Variants in GUCY2F observed in about 807,000 individuals in gnomAD.
GUCY2F encodes retinal guanylyl cyclase 2.
In GUCY2F, 61 loss-of-function variants were observed where a neutral mutation model predicts 73.1. That is an observed-to-expected ratio of 0.83 (90% CI 0.68 to 1.03). The LOEUF is 1.03. Among genes scored for constraint, GUCY2F ranks in the 50% least tolerant of loss-of-function variants. The pLI is 0.00. For synonymous variants in GUCY2F, 331 were observed against 307.8 expected, an observed-to-expected ratio of 1.08 and a Z score of -0.79; for missense variants, 912 against 854.3, an observed-to-expected ratio of 1.07 and a Z score of -0.84.
intron 3 of GUCY2F, among the ~76,000 whole-genome samples, chrX:109,464,506 T>A (rs1932425416): frequency 8.9e-6 from 1 of 112,433 alleles, no homozygotes; most frequent in Non-Finnish European, 1.9e-5. Flanking sequence ...GAGAAGTAAG[T>A]ATGTGTAGCT....
rs139365678 is a variant in GUCY2F at position 109,400,533 on chromosome X, C to A, written c.2126-1835G>T. ...GATTATTTTGGTTTGTTAGCAAAAC[C>A]CAGGAAAGAGAAATCCACCATGGAA... On this transcript the variant is annotated intron_variant, in intron 10 of 19. Coordinates refer to ENST00000218006, the MANE Select transcript of GUCY2F (RefSeq NM_001522.3). Among the ~76,000 whole-genome samples the A allele has an allele frequency of 7.8e-3, 868 of 111,377 alleles. 9 individuals carry two copies. Among genetic ancestry groups the A allele is most frequent in the African/African-American group, 0.027 (818 of 30,591 alleles).
At chrX:109,468,505 A>T (rs1400501160) in intron 2 of GUCY2F, among the ~76,000 whole-genome samples, 1 of 111,365 alleles carries the variant, frequency 9.0e-6, no homozygotes, top group Non-Finnish European at 1.9e-5. Flanking sequence ...GAACAATTGG[A>T]AGTGATATTT....
At position 109,475,684 on chromosome X, in the gene GUCY2F, G is replaced by A. The variant is rs754002480; in HGVS notation, c.253C>T (p.Arg85Trp). ...AARLAIERIN[R>W]DPSFDLSYSF... Reference sequence around the variant, plus strand: ...TAACTCAGGTCAAAAGATGGGTCCCGGTTGATTCGCTCAATGGCTAATCGC... The same window carrying A: ...TAACTCAGGTCAAAAGATGGGTCCCAGTTGATTCGCTCAATGGCTAATCGC... Residue 85 changes from arginine (R) to tryptophan (W), a missense_variant, in exon 2 of 20, where the codon CGG (arginine) becomes TGG (tryptophan). Arg to Trp is a moderately radical substitution (Grantham distance 101, BLOSUM62 -3). Transcript: ENST00000218006. 2.5e-6 allele frequency: 3 copies of A among 1,211,173 alleles called. No homozygotes were observed. The highest frequency in any genetic ancestry group is 2.3e-4 in the Middle Eastern group (1 of 4,349).
chrX:109,383,323 G>A (rs1186414253), intron 16 of GUCY2F: 2 of 391,123 alleles, frequency 5.1e-6, no homozygotes, highest in Admixed American at 9.2e-5. Flanking sequence ...AATCTTGATG[G>A]TAGGGAACAC....
chrX:109,429,250 A>G (rs1931557264), intron 8 of GUCY2F, among the ~76,000 whole-genome samples: 1 of 110,845 alleles, frequency 9.0e-6, no homozygotes, highest in Non-Finnish European at 1.9e-5. Context: ...TGTCTCTACT[A>G]AAAATACAAA....
chrX:109,374,515 A>G (rs2147247380), intron 19 of GUCY2F, among the ~76,000 whole-genome samples: 1 of 112,028 alleles, frequency 8.9e-6, no homozygotes, highest in East Asian at 2.8e-4. Context: ...TTCTGCTGCA[A>G]ACTCCAACAC....
intron 11 of GUCY2F, 60 bp from the exon 12 acceptor site, chrX:109,395,549 C>G: frequency 9.8e-7 from 1 of 1,016,212 alleles, no homozygotes; most frequent in Non-Finnish European, 1.4e-6. Context: ...CAAGATTTGG[C>G]AAAGATAACT....
At chrX:109,377,699 C>G (rs761953282) in intron 17 of GUCY2F, among the ~76,000 whole-genome samples, 42 of 111,467 alleles carry the variant, frequency 3.8e-4, no homozygotes, top group Non-Finnish European at 6.2e-4. Context: ...AACTCAAGGG[C>G]CCCCCACCCT....
intron 1 of GUCY2F, among the ~76,000 whole-genome samples, chrX:109,477,442 G>A (rs996874430): frequency 3.2e-4 from 36 of 111,664 alleles, no homozygotes; most frequent in Non-Finnish European, 2.8e-4. Context: ...AGCACATACT[G>A]GAGGGCCTAG....
intron 16 of GUCY2F, among the ~76,000 whole-genome samples, chrX:109,383,907 T>C (rs1780244155): frequency 8.9e-6 from 1 of 112,711 alleles, no homozygotes; most frequent in Admixed American, 9.4e-5. Flanking sequence ...CAAATCTGCA[T>C]TGCAGTTCCA....
intron 3 of GUCY2F, among the ~76,000 whole-genome samples, chrX:109,460,659 G>C (rs1031857838): frequency 7.2e-5 from 8 of 111,706 alleles, no homozygotes; most frequent in African/African-American, 1.3e-4. Context: ...TATAGGTCAT[G>C]AGATTCATAA....
chrX:109,390,393 C>A (rs953699793), intron 14 of GUCY2F, among the ~76,000 whole-genome samples: 1 of 112,110 alleles, frequency 8.9e-6, no homozygotes, highest in Non-Finnish European at 1.9e-5. Flanking sequence ...TCAAATTTTA[C>A]AGGTAAAGAA....
At chrX:109,471,550 C>A (rs1932574893) in intron 2 of GUCY2F, among the ~76,000 whole-genome samples, 1 of 112,488 alleles carries the variant, frequency 8.9e-6, no homozygotes, top group South Asian at 3.7e-4. Context: ...CAAGTCCAAT[C>A]AGCTAGGTTT....
intron 17 of GUCY2F, among the ~76,000 whole-genome samples, chrX:109,380,750 A>T (rs780416536): frequency 2.7e-5 from 3 of 111,902 alleles, no homozygotes; most frequent in Non-Finnish European, 5.7e-5. Context: ...CCTGAATTGA[A>T]TTTGTGGGAC....
At chrX:109,449,417 C>T (rs1932091371) in intron 5 of GUCY2F, among the ~76,000 whole-genome samples, 2 of 112,146 alleles carry the variant, frequency 1.8e-5, no homozygotes, top group South Asian at 7.4e-4. Context: ...TGGCAAAGTA[C>T]AGCATCACTC....
At chrX:109,391,233 A>AT (rs766839704) in intron 14 of GUCY2F, among the ~76,000 whole-genome samples, 1 of 111,925 alleles carries the variant, frequency 8.9e-6, no homozygotes, top group East Asian at 2.8e-4. Flanking sequence ...CAATGCAGTC[A>AT]TTTTGCAAAC....
Position 109,461,881 on chromosome X carries a change from AGTT to A in GUCY2F, c.1032+3258_1032+3260del, listed in dbSNP as rs779424620. On this transcript the variant is annotated intron_variant, in intron 3 of 19. Transcript: ENST00000218006. Reference sequence around the variant, plus strand: ...AGCACATCAGAGGTGCTCAATAAATAGTTGTTGACCTGTTGACCAAATAGGGAA... The same window carrying A: ...AGCACATCAGAGGTGCTCAATAAATAGTTGACCTGTTGACCAAATAGGGAA... Among the ~76,000 whole-genome samples, 3 of 112,789 alleles carry A rather than the reference AGTT, an allele frequency of 2.7e-5. No individual in the cohort carries two copies. In the East Asian group the frequency reaches 8.3e-4, roughly 31 times the overall value.
In GUCY2F at chrX:109,427,114, C is replaced by T. The variant is rs779008281; in HGVS notation, c.1791+3193G>A. 4.1e-4 allele frequency among the ~76,000 whole-genome samples: 46 copies of T among 112,074 alleles called. No homozygotes were observed. In the South Asian group the frequency reaches 0.017, roughly 41 times the overall value. ...ACCACATGGTCATGATCTTGAGGTA[C>T]TGAGGCATAATAACAGCCCCACTGG... On this transcript the variant is annotated intron_variant, in intron 8 of 19. Transcript: ENST00000218006.
chrX:109,478,981 C>T (rs1932745776), intron 1 of GUCY2F, among the ~76,000 whole-genome samples: 1 of 111,854 alleles, frequency 8.9e-6, no homozygotes, highest in Non-Finnish European at 1.9e-5. Flanking sequence ...CCCCAGTCAC[C>T]CATGAAAGAA....
Sources: gnomAD v4.1 joint callset for allele counts (sites outside exome capture counted in the v4.1 genomes callset) on GRCh38, gnomAD v4.1.1 for gene constraint, MANE v1.5 for transcripts, NCBI Gene and HGNC (gene_info 2026-07-23, HGNC 2026-07-21) for gene names.